The following NTRK2 variants were observed in gnomAD, a reference collection of about 807,000 sequenced individuals.
The protein encoded by NTRK2 is neurotrophic receptor tyrosine kinase 2, also known as BDNF/NT-3 growth factors receptor.
Under a neutral mutation model 94.5 loss-of-function variants are expected in NTRK2, and 13 were observed. The ratio of observed to expected loss-of-function variants is 0.14; its 90% CI spans 0.09 to 0.22. The LOEUF is 0.22. Among genes scored for constraint, NTRK2 ranks in the 10% least tolerant of loss-of-function variants. The pLI, the probability that NTRK2 is intolerant of heterozygous loss-of-function variation, is 1.00. For missense variants in NTRK2, 639 were observed against 1,071.2 expected, an observed-to-expected ratio of 0.60 and a Z score of 5.63; for synonymous variants, 372 against 407.4, an observed-to-expected ratio of 0.91 and a Z score of 1.05.
At chr9:84,757,424 G>T (rs951636002) in intron 12 of NTRK2, among the ~76,000 whole-genome samples, 8 of 152,096 alleles carry the variant, frequency 5.3e-5, no homozygotes, top group African/African-American at 1.9e-4. Context: ...ATTTTTTGGG[G>T]GTAACAATTT....
intron 12 of NTRK2, among the ~76,000 whole-genome samples, chr9:84,782,855 T>C (rs1180212690): frequency 6.6e-6 from 1 of 152,186 alleles, no homozygotes; most frequent in East Asian, 1.9e-4. Context: ...TAGAAATTCT[T>C]CTTAAACCAG....
chr9:84,922,655 G>A (rs1437302789), intron 14 of NTRK2, among the ~76,000 whole-genome samples: 4 of 152,144 alleles, frequency 2.6e-5, no homozygotes, highest in East Asian at 1.9e-4. Flanking sequence ...TGTCTCTCCC[G>A]AGGCCCATCA....
chr9:84,998,496 A>G (rs1447117859), intron 17 of NTRK2, among the ~76,000 whole-genome samples: 2 of 152,238 alleles, frequency 1.3e-5, no homozygotes, highest in African/African-American at 4.8e-5. Flanking sequence ...TCAGGAGCTG[A>G]TAGACACCTT....
intron 12 of NTRK2, among the ~76,000 whole-genome samples, chr9:84,845,250 T>TACACACACACACAC (rs58910921): frequency 3.8e-4 from 56 of 148,006 alleles, no homozygotes; most frequent in African/African-American, 1.0e-3. Flanking sequence ...ATGTGGTGTA[T>TACACACACACACAC]ACACACACAC....
At chr9:84,840,150 T>C (rs1204619887) in intron 12 of NTRK2, among the ~76,000 whole-genome samples, 1 of 152,158 alleles carries the variant, frequency 6.6e-6, no homozygotes, top group Non-Finnish European at 1.5e-5. Flanking sequence ...GTGAGAAATG[T>C]GTCCTCTGCC....
chr9:84,827,143 A>C (rs570910119), intron 12 of NTRK2, among the ~76,000 whole-genome samples: 3 of 152,346 alleles, frequency 2.0e-5, no homozygotes, highest in African/African-American at 7.2e-5. Flanking sequence ...ATCAGAGTGA[A>C]TTCTATGGGG....
intron 12 of NTRK2, among the ~76,000 whole-genome samples, chr9:84,843,232 CTACA>C (rs1213584261): frequency 1.3e-5 from 2 of 152,096 alleles, no homozygotes; most frequent in African/African-American, 4.8e-5. Context: ...TTCCCTGGGT[CTACA>C]GTAGATGAGT....
At chr9:84,822,378 T>C (rs1309849325) in intron 12 of NTRK2, among the ~76,000 whole-genome samples, 1 of 152,226 alleles carries the variant, frequency 6.6e-6, no homozygotes, top group Non-Finnish European at 1.5e-5. Flanking sequence ...CATGGGAATA[T>C]GAAGAAATTA....
chr9:84,872,030 T>G, intron 14 of NTRK2: 1 of 1,452,348 alleles, frequency 6.9e-7, no homozygotes, highest in Non-Finnish European at 9.1e-7. Context: ...CTCAAAGTAC[T>G]ATGCCACTTT....
chr9:84,876,001 T>A, intron 14 of NTRK2: 1 of 1,032,664 alleles, frequency 9.7e-7, no homozygotes, highest in South Asian at 4.6e-5. Flanking sequence ...AAGAAAACAA[T>A]AATATAATCC....
chr9:84,687,698 T>C (rs192668627), intron 2 of NTRK2, among the ~76,000 whole-genome samples: 1 of 152,358 alleles, frequency 6.6e-6, no homozygotes, highest in East Asian at 1.9e-4. Context: ...TATGCTTATA[T>C]TGATTGATTG....
At chr9:84,826,954 T>A (rs193215108) in intron 12 of NTRK2, among the ~76,000 whole-genome samples, 1 of 152,326 alleles carries the variant, frequency 6.6e-6, no homozygotes, top group Admixed American at 6.5e-5. Flanking sequence ...GTATTTGCTT[T>A]GTTCCAAGCG....
chr9:84,872,393 G>T lies in NTRK2; in HGVS notation c.1633+4962G>T, dbSNP rs200405034. ...GCAGGAGTGTGTTTTATCTTCTCCC[G>T]TCGGAGCAAACACTATAGATGTCCT... On this transcript the variant is annotated intron_variant, in intron 14 of 18. Transcript: ENST00000277120. The T allele has an allele frequency of 6.6e-5, 72 of 1,088,382 alleles. No homozygotes were observed. The African/African-American group carries it at 1.1e-3, about 17-fold the overall frequency. The allele number at this position is 1,088,382 out of a possible 1,614,324, so 67.4% of individuals were successfully genotyped here.
intron 15 of NTRK2, 38 bp downstream of exon 15, chr9:84,934,330 C>T (rs2078139970): frequency 1.2e-6 from 2 of 1,611,056 alleles, no homozygotes; most frequent in Non-Finnish European, 1.7e-6. Flanking sequence ...TAACCATGAT[C>T]ACACTTACGT....
intron 13 of NTRK2, among the ~76,000 whole-genome samples, chr9:84,863,794 G>A (rs1391966114): frequency 4.6e-5 from 7 of 152,308 alleles, no homozygotes; most frequent in Middle Eastern, 3.4e-3. Context: ...TTGATGAATT[G>A]TTGAGGTTTA....
At position 84,867,243 on chromosome 9, in the gene NTRK2, G is replaced by T. The variant is rs149694868; in HGVS notation, c.1445G>T (p.Gly482Val). 1 of 1,613,788 alleles carries T rather than the reference G, an allele frequency of 6.2e-7. No homozygotes were observed. The highest frequency in any genetic ancestry group is 1.1e-5 in the South Asian group (1 of 91,050). ...FGKVKSRQGV[G>V]PASVISNDDD... ...AATATATATATTTTTCCATCTCCAGGCCCAGCCTCCGTTATCAGCAATGAT... is the reference window on the plus strand; with the variant it reads ...AATATATATATTTTTCCATCTCCAGTCCCAGCCTCCGTTATCAGCAATGAT... The change falls in exon 14 of 19, where the codon GGC becomes GTC. Residue 482 changes from glycine (G) to valine (V), a missense_variant and splice_region_variant. Physicochemically the swap from Gly to Val is moderately radical, Grantham distance 109 (BLOSUM62 -3). Transcript: ENST00000277120.
At chr9:84,692,183 C>G (rs2060086591) in intron 2 of NTRK2, among the ~76,000 whole-genome samples, 2 of 151,922 alleles carry the variant, frequency 1.3e-5, no homozygotes, top group East Asian at 3.9e-4. Context: ...GATCTGAGAC[C>G]TAATGTAAAA....
chr9:84,915,423 C>T (rs937033433), intron 14 of NTRK2, among the ~76,000 whole-genome samples: 1 of 152,196 alleles, frequency 6.6e-6, no homozygotes, highest in East Asian at 1.9e-4. Context: ...TCTTGAGAGC[C>T]CTGGTTGTTG....
At chr9:84,734,318 G>A (rs1029011573) in intron 9 of NTRK2, among the ~76,000 whole-genome samples, 19 of 152,166 alleles carry the variant, frequency 1.2e-4, no homozygotes, top group Admixed American at 3.9e-4. Flanking sequence ...TAAAGGAGGC[G>A]AACATTCCCC....
Sources: gnomAD v4.1 joint callset for allele counts (sites outside exome capture counted in the v4.1 genomes callset) on GRCh38, gnomAD v4.1.1 for gene constraint, MANE v1.5 for transcripts, NCBI Gene and HGNC (gene_info 2026-07-23, HGNC 2026-07-21) for gene names.